The following CDKN1A variants were observed in gnomAD, a reference collection of about 807,000 sequenced individuals.
CDKN1A encodes cyclin dependent kinase inhibitor 1A.
In CDKN1A, 14 loss-of-function variants were observed where a neutral mutation model predicts 14.8. That is an observed-to-expected ratio of 0.94 (90% CI 0.62 to 1.48). The LOEUF (loss-of-function observed/expected upper bound fraction) is 1.48, where lower values mean the gene tolerates loss of function less well. Ranked by LOEUF, CDKN1A falls within the 40% of genes most tolerant of loss-of-function variation. CDKN1A has a pLI of 0.00. For synonymous variants in CDKN1A, 92 were observed against 93.5 expected, an observed-to-expected ratio of 0.98 and a Z score of 0.09; for missense variants, 203 against 231.7, an observed-to-expected ratio of 0.88 and a Z score of 0.80.
In CDKN1A at chr6:36,684,402, C is replaced by T. The variant is rs548336812; in HGVS notation, c.301C>T (p.Leu101=). Residue 101 remains leucine, a synonymous_variant, in exon 2 of 3, where the codon CTG becomes TTG. Coordinates refer to ENST00000244741, the MANE Select transcript of CDKN1A (RefSeq NM_000389.5). This position sits in a 1 kb window ranked among gnomAD's most constrained non-coding sequence, Gnocchi z 6.0. ...GGRRPGTSPA[L]LQGTAEEDHV... Reference sequence around the variant, plus strand: ...CAGGCGGCCTGGCACCTCACCTGCTCTGCTGCAGGGGACAGCAGAGGAAGA... The same window carrying T: ...CAGGCGGCCTGGCACCTCACCTGCTTTGCTGCAGGGGACAGCAGAGGAAGA... The T allele has an allele frequency of 8.7e-6, 14 of 1,613,520 alleles. No individual in the cohort carries two copies. In the East Asian group the frequency reaches 3.1e-4, roughly 36 times the overall value.
chr6:36,676,762 C>T (rs1582557847), upstream of CDKN1A, among the ~76,000 whole-genome samples: 2 of 150,116 alleles, frequency 1.3e-5, no homozygotes, highest in Non-Finnish European at 2.9e-5. Context: ...TCTGGGTACA[C>T]ATTCAAGTGC....
Position 36,684,316 on chromosome 6 carries a change from G to A in CDKN1A, c.215G>A (p.Gly72Asp), listed in dbSNP as rs2150313622. 1 of 1,613,418 alleles carries A rather than the reference G, an allele frequency of 6.2e-7. No individual in the cohort carries two copies. Among genetic ancestry groups the A allele is most frequent in the Non-Finnish European group, 8.5e-7 (1 of 1,179,984 alleles). Residue 72 changes from glycine to aspartate, a missense_variant, in exon 2 of 3, where the codon GGC becomes GAC. Coordinates refer to ENST00000244741, the MANE Select transcript of CDKN1A (RefSeq NM_000389.5). The surrounding 1 kb of genome is among the most constrained non-coding windows in gnomAD (Gnocchi z 6.0). ...DFAWERVRGL[G>D]LPKLYLPTGP... ...GCCTGGGAGCGTGTGCGGGGCCTTGGCCTGCCCAAGCTCTACCTTCCCACG... is the reference window on the plus strand; with the variant it reads ...GCCTGGGAGCGTGTGCGGGGCCTTGACCTGCCCAAGCTCTACCTTCCCACG...
upstream of CDKN1A, chr6:36,678,631 T>C: frequency 4.1e-6 from 4 of 982,866 alleles, no homozygotes; most frequent in Non-Finnish European, 4.8e-6. This position sits in a 1 kb window ranked among gnomAD's most constrained non-coding sequence, Gnocchi z 5.7. Flanking sequence ...GGCGGCGCGG[T>C]GGGCCGAGCG....
chr6:36,678,757 G>A lies in CDKN1A; in HGVS notation c.-47G>A, dbSNP rs1408211479. ...GAAGTCAGTTCCTTGTGGAGCCGGA[G>A]CTGGGCGCGGATTCGCCGAGGCACC... On this transcript the variant is annotated 5_prime_UTR_variant, in exon 1 of 3. Coordinates refer to ENST00000244741, the MANE Select transcript of CDKN1A (RefSeq NM_000389.5). This position sits in a 1 kb window ranked among gnomAD's most constrained non-coding sequence, Gnocchi z 5.7. The A allele has an allele frequency of 1.0e-6, 1 of 985,634 alleles. No individual in the cohort carries two copies. Among genetic ancestry groups the A allele is most frequent in the Admixed American group, 6.1e-5 (1 of 16,284 alleles). 61.1% of individuals were successfully genotyped at this position (985,634 alleles called of 1,614,324 possible).
Position 36,685,954 on chromosome 6 carries a change from C to T in CDKN1A, c.*154C>T, listed in dbSNP as rs1210788045. The T allele has an allele frequency of 1.2e-5, 9 of 756,948 alleles. No homozygotes were observed. Among genetic ancestry groups the T allele is most frequent in the East Asian group, 2.6e-5 (1 of 38,456 alleles). 46.9% of individuals were successfully genotyped at this position (756,948 alleles called of 1,614,324 possible). A position where few individuals can be genotyped will look rare whatever the true frequency, so the allele number is the denominator to read the frequency against. On this transcript the variant is annotated 3_prime_UTR_variant, in exon 3 of 3. Transcript: ENST00000244741. ...TACATACCCTGGCCGCCCCCTGCCC[C>T]CCAGCCTCTGGCATTAGAATTATTT...
upstream of CDKN1A, among the ~76,000 whole-genome samples, chr6:36,676,991 A>G (rs1357507687): frequency 6.6e-6 from 1 of 152,216 alleles, no homozygotes; most frequent in East Asian, 1.9e-4. Flanking sequence ...TTCTCCCCAA[A>G]GTAAACAGAC....
At chr6:36,677,790 C>A, upstream of CDKN1A, 1 of 1,014,938 alleles carries the variant, frequency 9.9e-7, no homozygotes, top group Non-Finnish European at 1.4e-6. Context: ...TGAGTTAGGT[C>A]ACCAGACTTC....
chr6:36,681,334 T>TTCTTTCTTTCTTTCTTTCTC lies in CDKN1A; in HGVS notation c.-6+2537_-6+2538insCTTTCTTTCTTTCTTTCTCT, dbSNP rs780161958. ...TTTCTTTCTTTCTTTCTTTCTTTCT[T>TTCTTTCTTTCTTTCTTTCTC]TTTCTTTCTTTCTTTCTTTTTCTTT... On this transcript the variant is annotated intron_variant, in intron 1 of 2. Coordinates refer to ENST00000244741, the MANE Select transcript of CDKN1A (RefSeq NM_000389.5). 1.0e-3 allele frequency among the ~76,000 whole-genome samples: 87 copies of TTCTTTCTTTCTTTCTTTCTC among 86,122 alleles called. 2 individuals are homozygous for TTCTTTCTTTCTTTCTTTCTC. The highest frequency in any genetic ancestry group is 5.9e-3 in the East Asian group (20 of 3,376). The allele number at this position is 86,122 out of a possible 152,430, so 56.5% of individuals were successfully genotyped here. A position where few individuals can be genotyped will look rare whatever the true frequency, so the allele number is the denominator to read the frequency against.
upstream of CDKN1A, chr6:36,678,052 C>A (rs1462955107): frequency 2.3e-6 from 1 of 433,770 alleles, no homozygotes; most frequent in Admixed American, 3.0e-5. The surrounding 1 kb of genome is among the most constrained non-coding windows in gnomAD (Gnocchi z 5.7). Context: ...ATGTGACAAT[C>A]AACAACTTTG....
At position 36,678,724 on chromosome 6, in the gene CDKN1A, C is replaced by G. The variant is rs1216838825; in HGVS notation, c.-80C>G. On this transcript the variant is annotated 5_prime_UTR_variant, in exon 1 of 3. Coordinates refer to ENST00000244741, the MANE Select transcript of CDKN1A (RefSeq NM_000389.5). This position sits in a 1 kb window ranked among gnomAD's most constrained non-coding sequence, Gnocchi z 5.7. ...TGAGCTGCGCCAGCTGAGGTGTGAG[C>G]AGCTGCCGAAGTCAGTTCCTTGTGG... The G allele has an allele frequency of 5.2e-5, 51 of 985,406 alleles. No individual in the cohort carries two copies. The highest frequency in any genetic ancestry group is 5.8e-5 in the Non-Finnish European group (48 of 830,014). The allele number at this position is 985,406 out of a possible 1,614,324, so 61.0% of individuals were successfully genotyped here.
intron 2 of CDKN1A, among the ~76,000 whole-genome samples, chr6:36,685,183 A>C (rs1423529581): frequency 6.6e-6 from 1 of 152,192 alleles, no homozygotes; most frequent in East Asian, 1.9e-4. Flanking sequence ...TCAGAGAGGT[A>C]GAGTGATTTA....
intron 2 of CDKN1A, among the ~76,000 whole-genome samples, 192 bp from the exon 3 acceptor site, chr6:36,685,559 A>G (rs910165861): frequency 5.3e-5 from 8 of 152,214 alleles, no homozygotes; most frequent in Non-Finnish European, 1.0e-4. Context: ...CACATCTGTG[A>G]AGCATGGTGG....
rs544851636 is a variant in CDKN1A at position 36,687,103 on chromosome 6, T to C, written c.*1303T>C. ...CCCCTGGAGGCACTGAAGTGCTTAG[T>C]GTACTTGGAGTATTGGGGTCTGACC... is the stretch of plus-strand genomic sequence containing the variant. On this transcript the variant is annotated 3_prime_UTR_variant, in exon 3 of 3. Coordinates refer to ENST00000244741, the MANE Select transcript of CDKN1A (RefSeq NM_000389.5). The C allele has an allele frequency of 1.7e-5, 4 of 233,306 alleles. No individual in the cohort carries two copies. In the East Asian group the frequency reaches 2.4e-4, roughly 14 times the overall value. 14.5% of individuals were successfully genotyped at this position (233,306 alleles called of 1,614,324 possible).
In CDKN1A at chr6:36,684,071, G is replaced by A; in HGVS notation, c.-5-26G>A. The A allele has an allele frequency of 1.9e-6, 3 of 1,609,922 alleles. No homozygotes were observed. Among genetic ancestry groups the A allele is most frequent in the Non-Finnish European group, 2.5e-6 (3 of 1,178,456 alleles). ...TAGTGTCTAATCTCCGCCGTGACCA[G>A]GGCCTTCCTTGTATCTCTGCTGCAG... On this transcript the variant is annotated intron_variant, in intron 1 of 2. Coordinates refer to ENST00000244741, the MANE Select transcript of CDKN1A (RefSeq NM_000389.5). The surrounding 1 kb of genome is among the most constrained non-coding windows in gnomAD (Gnocchi z 6.0).
At chr6:36,685,663 T>C (rs1365265882) in intron 2 of CDKN1A, 88 bp from the exon 3 acceptor site, 4 of 1,369,312 alleles carry the variant, frequency 2.9e-6, no homozygotes, top group Non-Finnish European at 4.2e-6. Flanking sequence ...GGGAAGGGTG[T>C]CCTGGCCCCC....
chr6:36,684,536 C>T lies in CDKN1A; in HGVS notation c.435C>T (p.Thr145=). The T allele has an allele frequency of 1.2e-6, 2 of 1,614,050 alleles. No homozygotes were observed. The highest frequency in any genetic ancestry group is 1.1e-5 in the South Asian group (1 of 91,072). The part of the protein sequence containing the change: ...GDSQGRKRRQ[T]SMTDFYHSKR... ...CTCAGGGTCGAAAACGGCGGCAGAC[C>T]AGCATGACAGGTGCGGACATGTGCA... is the stretch of plus-strand genomic sequence containing the variant. Residue 145 remains threonine (T), a synonymous_variant, in exon 2 of 3, where the codon ACC becomes ACT. Transcript: ENST00000244741. This position sits in a 1 kb window ranked among gnomAD's most constrained non-coding sequence, Gnocchi z 6.0.
At chr6:36,680,340 G>GTGTGTGTGTGTGTGTCTGTGTC (rs1310329037) in intron 1 of CDKN1A, 1 of 148,126 alleles carries the variant, frequency 6.8e-6, no homozygotes, top group East Asian at 2.0e-4. Flanking sequence ...GTGTGTGTGT[G>GTGTGTGTGTGTGTGTCTGTGTC]TGTGTCTGTG....
chr6:36,679,717 G>A (rs1761838504), intron 1 of CDKN1A, among the ~76,000 whole-genome samples: 1 of 152,186 alleles, frequency 6.6e-6, no homozygotes, highest in African/African-American at 2.4e-5. Flanking sequence ...CTGTCAGTCG[G>A]GGAAGGGCAA....
At position 36,685,799 on chromosome 6, in the gene CDKN1A, A is replaced by G; in HGVS notation, c.494A>G (p.Ter165=). 1 of 1,614,100 alleles carries G rather than the reference A, an allele frequency of 6.2e-7. No individual in the cohort carries two copies. The highest frequency in any genetic ancestry group is 8.5e-7 in the Non-Finnish European group (1 of 1,179,970). The change falls in exon 3 of 3, where the codon TAA becomes TGA. Residue 165 remains the stop codon, a stop_retained_variant. Transcript: ENST00000244741. The stretch of plus-strand genomic sequence containing the variant: ...CTGATCTTCTCCAAGAGGAAGCCCT[A>G]ATCCGCCCACAGGAAGCCTGCAGTC... ...RRLIFSKRKP[*]
Sources: allele counts gnomAD v4.1 joint callset (sites outside exome capture counted in the v4.1 genomes callset), GRCh38; gene constraint gnomAD v4.1.1; non-coding constraint Gnocchi (gnomAD v3.1); transcripts MANE v1.5; gene names NCBI Gene and HGNC (gene_info 2026-07-23, HGNC 2026-07-21).